Variants in KCNH5 observed in about 807,000 individuals in gnomAD.
The protein encoded by KCNH5 is potassium voltage-gated channel subfamily H member 5.
A neutral mutation model predicts 96.1 loss-of-function variants in KCNH5; 46 were observed. The observed-to-expected ratio is 0.48, with a 90% confidence interval of 0.38 to 0.61. The LOEUF (loss-of-function observed/expected upper bound fraction) is 0.61. Among genes scored for constraint, KCNH5 ranks in the 20% least tolerant of loss-of-function variants. The pLI, the probability that KCNH5 is intolerant of heterozygous loss-of-function variation, is 0.00. For synonymous variants in KCNH5, 439 were observed against 449.8 expected (o/e 0.98, Z 0.30); for missense variants, 907 against 1,225.8 (o/e 0.74, Z 3.88).
At chr14:62,788,148 T>G (rs960279283) in intron 9 of KCNH5, among the ~76,000 whole-genome samples, 2 of 152,298 alleles carry the variant, frequency 1.3e-5, no homozygotes, top group East Asian at 3.9e-4. Flanking sequence ...TCAGAACACT[T>G]GTGATTCATG....
In KCNH5 at chr14:62,926,696, T is replaced by C. The variant is rs373072318; in HGVS notation, c.1369+23437A>G. Among the ~76,000 whole-genome samples, 60 of 152,220 alleles carry C rather than the reference T, an allele frequency of 3.9e-4. 3 individuals carry two copies. In the South Asian group the frequency reaches 7.7e-3, roughly 19 times the overall value. ...GGAAGAGAGTCCTGTTGTCTCTCCC[T>C]CTTCTTATGAGGAGACCAGCTCCAC... On this transcript the variant is annotated intron_variant, in intron 7 of 10. Transcript: ENST00000322893.
At chr14:62,836,322 A>G (rs1887466003) in intron 8 of KCNH5, among the ~76,000 whole-genome samples, 1 of 152,160 alleles carries the variant, frequency 6.6e-6, no homozygotes, top group African/African-American at 2.4e-5. Flanking sequence ...TTAATCTGAT[A>G]TTCATCCCAA....
intron 5 of KCNH5, among the ~76,000 whole-genome samples, chr14:62,982,625 C>T (rs1305008611): frequency 2.0e-5 from 3 of 152,094 alleles, no homozygotes; most frequent in East Asian, 1.9e-4. Context: ...ATATATGCCA[C>T]AAAACAAAAC....
intron 7 of KCNH5, among the ~76,000 whole-genome samples, chr14:62,915,444 TC>T (rs1889255146): frequency 6.6e-6 from 1 of 152,170 alleles, no homozygotes; most frequent in Admixed American, 6.5e-5. Flanking sequence ...TTATATTCTT[TC>T]CCAGTAGAGT....
At chr14:62,724,803 T>C (rs1171761394) in intron 10 of KCNH5, among the ~76,000 whole-genome samples, 2 of 152,218 alleles carry the variant, frequency 1.3e-5, no homozygotes, top group Admixed American at 1.3e-4. Flanking sequence ...AAAGGACAAG[T>C]ATTAGAAGCC....
chr14:62,892,177 A>G (rs1222443608), intron 7 of KCNH5, among the ~76,000 whole-genome samples: 3 of 152,242 alleles, frequency 2.0e-5, no homozygotes, highest in Non-Finnish European at 4.4e-5. Context: ...ATGCAAAGGA[A>G]AAGTTCTTGA....
chr14:62,878,103 C>G (rs921444373), intron 7 of KCNH5, among the ~76,000 whole-genome samples: 2 of 147,638 alleles, frequency 1.4e-5, no homozygotes, highest in Non-Finnish European at 3.0e-5. Flanking sequence ...GGACAAAAAA[C>G]CAAACACCAC....
chr14:62,960,328 G>A (rs893075333), intron 6 of KCNH5, among the ~76,000 whole-genome samples: 2 of 152,104 alleles, frequency 1.3e-5, no homozygotes, highest in Non-Finnish European at 2.9e-5. Context: ...GTCTCTTTGT[G>A]ATTGTGCATG....
Position 62,701,661 on chromosome 14 carries a change from G to T in KCNH5, c.*5847C>A, listed in dbSNP as rs1884349984. On this transcript the variant is annotated 3_prime_UTR_variant, in exon 11 of 11. Transcript: ENST00000322893. Reference sequence around the variant, plus strand: ...AGCCAAGTGAAAACAAGATGGTTTGGGCTGAAGATTCCAGCATGTAGTGTT... The same window carrying T: ...AGCCAAGTGAAAACAAGATGGTTTGTGCTGAAGATTCCAGCATGTAGTGTT... The T allele has an allele frequency of 6.6e-6, 1 of 152,026 alleles. No individual in the cohort carries two copies. The highest frequency in any genetic ancestry group is 2.4e-5 in the African/African-American group (1 of 41,416). The allele number at this position is 152,026 out of a possible 1,614,324, so 9.4% of individuals were successfully genotyped here. A position where few individuals can be genotyped will look rare whatever the true frequency, so the allele number is the denominator to read the frequency against.
chr14:63,023,817 T>C (rs1891474140), intron 1 of KCNH5, among the ~76,000 whole-genome samples: 2 of 150,798 alleles, frequency 1.3e-5, no homozygotes, highest in South Asian at 4.2e-4. Flanking sequence ...ATTAATAATA[T>C]GAAGAATTTT....
At chr14:63,045,050 G>C in intron 1 of KCNH5, 64 bp downstream of exon 1, 3 of 1,262,610 alleles carry the variant, frequency 2.4e-6, no homozygotes, top group Non-Finnish European at 3.5e-6. Context: ...ATGGGATGGG[G>C]AGGATGGGGG....
At position 62,707,619 on chromosome 14, in the gene KCNH5, A is replaced by G. The variant is rs749554298; in HGVS notation, c.2856T>C (p.Ser952=). ...LSEKSVPQAS[S]PKSQMPLQVP... is the part of the protein sequence containing the mutation. ...CTTGGAGTGGCATTTGGGATTTGGG[A>G]GATGAGGCCTGGGGTACGCTTTTTT... Residue 952 remains serine, a synonymous_variant, in exon 11 of 11, where the codon TCT becomes TCC. Transcript: ENST00000322893. The G allele has an allele frequency of 6.4e-7, 1 of 1,551,646 alleles. No individual in the cohort carries two copies. Among genetic ancestry groups the G allele is most frequent in the Non-Finnish European group, 8.7e-7 (1 of 1,145,950 alleles).
chr14:62,869,210 C>T (rs954599119), intron 7 of KCNH5, among the ~76,000 whole-genome samples: 1 of 152,182 alleles, frequency 6.6e-6, no homozygotes, highest in Non-Finnish European at 1.5e-5. Context: ...TATTTCCTTA[C>T]TTTTTAATGA....
At chr14:62,835,265 C>G (rs1887442681) in intron 8 of KCNH5, among the ~76,000 whole-genome samples, 1 of 151,846 alleles carries the variant, frequency 6.6e-6, no homozygotes, top group Non-Finnish European at 1.5e-5. Context: ...TTACTGTCTT[C>G]TTTTTACATT....
chr14:63,032,269 G>A (rs995641341), intron 1 of KCNH5, among the ~76,000 whole-genome samples: 5 of 151,568 alleles, frequency 3.3e-5, no homozygotes, highest in African/African-American at 7.3e-5. Context: ...CTCAAACCCC[G>A]GAACACACAG....
intron 5 of KCNH5, among the ~76,000 whole-genome samples, chr14:62,985,443 C>T (rs566575339): frequency 6.6e-6 from 1 of 152,296 alleles, no homozygotes. Flanking sequence ...CTCTGAAGTG[C>T]TTCGACTCAC....
At chr14:62,762,413 C>A (rs995818392) in intron 10 of KCNH5, among the ~76,000 whole-genome samples, 44 of 152,152 alleles carry the variant, frequency 2.9e-4, no homozygotes, top group Non-Finnish European at 3.1e-4. Flanking sequence ...CACCAGTAGA[C>A]CCTGCTTAAC....
At chr14:62,869,800 A>G (rs955664585) in intron 7 of KCNH5, among the ~76,000 whole-genome samples, 1 of 152,200 alleles carries the variant, frequency 6.6e-6, no homozygotes, top group Admixed American at 6.5e-5. Flanking sequence ...CCACACATCT[A>G]CAACCATCTG....
intron 8 of KCNH5, among the ~76,000 whole-genome samples, chr14:62,837,861 G>A (rs111358839): frequency 0.029 from 4,421 of 152,174 alleles, 94 homozygotes; most frequent in South Asian, 0.057. Flanking sequence ...AAGTCTCTAC[G>A]GATGTACTGA....
Sources: gnomAD v4.1 joint callset for allele counts (sites outside exome capture counted in the v4.1 genomes callset) on GRCh38, gnomAD v4.1.1 for gene constraint, MANE v1.5 for transcripts, NCBI Gene and HGNC (gene_info 2026-07-23, HGNC 2026-07-21) for gene names.